The following RBFOX3 variants were observed in gnomAD, a reference collection of about 807,000 sequenced individuals.
RBFOX3 encodes the protein RNA binding fox-1 homolog 3.
In RBFOX3, 17 loss-of-function variants were observed where a neutral mutation model predicts 48.7. The ratio of observed to expected loss-of-function variants is 0.35; its 90% CI spans 0.24 to 0.52. RBFOX3 has a LOEUF of 0.52. RBFOX3 is among the 20% of genes least tolerant of loss of function. RBFOX3 has a pLI of 0.94. For missense variants in RBFOX3, 382 were observed against 497.5 expected, an observed-to-expected ratio of 0.77 and a Z score of 2.21; for synonymous variants, 212 against 209.5, an observed-to-expected ratio of 1.01 and a Z score of -0.10.
At chr17:79,642,137 T>C in the RBFOX3 span, among the ~76,000 whole-genome samples, 1 of 152,130 alleles carries the variant, frequency 6.6e-6, no homozygotes, top group Non-Finnish European at 1.5e-5. Flanking sequence ...CCGCATTATC[T>C]CACTTATATG....
intron 11 of RBFOX3, 81 bp downstream of exon 11, chr17:79,097,211 G>C (rs903987706): frequency 1.9e-6 from 2 of 1,026,394 alleles, no homozygotes; most frequent in East Asian, 3.1e-5. Context: ...CTAGCCCCTC[G>C]CACTGCGCAG....
the RBFOX3 span, among the ~76,000 whole-genome samples, chr17:79,662,161 A>C: frequency 3.1e-5 from 2 of 65,078 alleles, no homozygotes; most frequent in African/African-American, 1.1e-4. Context: ...AGTCTCACTC[A>C]CTCCAGGCTG....
At chr17:79,557,540 AG>A (rs1258596613) in intron 1 of RBFOX3, among the ~76,000 whole-genome samples, 1 of 152,208 alleles carries the variant, frequency 6.6e-6, no homozygotes, top group African/African-American at 2.4e-5. Context: ...GTGGGGGGAA[AG>A]GGGGGAAGAG....
intron 2 of RBFOX3, among the ~76,000 whole-genome samples, chr17:79,462,877 T>C (rs1373151876): frequency 1.3e-5 from 2 of 152,188 alleles, no homozygotes; most frequent in East Asian, 1.9e-4. Context: ...TTACTTCTTC[T>C]GGGACACTCT....
the RBFOX3 span, among the ~76,000 whole-genome samples, chr17:79,641,371 C>T: frequency 6.6e-6 from 1 of 152,022 alleles, no homozygotes; most frequent in African/African-American, 2.4e-5. Context: ...GTTGGTACAG[C>T]CATTAGGGAA....
At chr17:79,208,342 C>A (rs544131295) in intron 4 of RBFOX3, 2 of 152,540 alleles carry the variant, frequency 1.3e-5, no homozygotes, top group African/African-American at 4.8e-5. Context: ...CCTCGACCGC[C>A]TGGAAACCAA....
At chr17:79,177,289 G>A (rs1252509127) in intron 4 of RBFOX3, among the ~76,000 whole-genome samples, 19 of 152,214 alleles carry the variant, frequency 1.2e-4, no homozygotes, top group Admixed American at 1.2e-3. Context: ...AGGACCAGAG[G>A]ACAGGAGACA....
chr17:79,514,946 G>A (rs893158930), intron 1 of RBFOX3, among the ~76,000 whole-genome samples: 36 of 152,242 alleles, frequency 2.4e-4, no homozygotes, highest in African/African-American at 7.9e-4. Context: ...GCTGGGGCTC[G>A]GCGCTGCCCC....
chr17:79,336,208 G>A (rs1021387834), intron 2 of RBFOX3, among the ~76,000 whole-genome samples: 4 of 151,910 alleles, frequency 2.6e-5, no homozygotes, highest in Middle Eastern at 3.2e-3. Context: ...CCAACATGAC[G>A]AAAACCCATC....
chr17:79,321,179 A>G (rs2078468853), intron 2 of RBFOX3, among the ~76,000 whole-genome samples: 1 of 152,230 alleles, frequency 6.6e-6, no homozygotes, highest in Non-Finnish European at 1.5e-5. Context: ...CTCAAAGACC[A>G]TGCAGGAGCC....
At chr17:79,336,388 A>AT (rs1165993359) in intron 2 of RBFOX3, among the ~76,000 whole-genome samples, 10 of 44,888 alleles carry the variant, frequency 2.2e-4, no homozygotes, top group African/African-American at 5.8e-4. Context: ...TTTCATCTCA[A>AT]AAAATAAATA....
chr17:79,114,534 G>A (rs1436741428), intron 5 of RBFOX3, among the ~76,000 whole-genome samples: 1 of 152,214 alleles, frequency 6.6e-6, no homozygotes, highest in Non-Finnish European at 1.5e-5. Flanking sequence ...CCGGGGGAAG[G>A]CTCCTATCTG....
chr17:79,223,520 C>T (rs143674896), intron 4 of RBFOX3, among the ~76,000 whole-genome samples: 2 of 152,374 alleles, frequency 1.3e-5, no homozygotes, highest in African/African-American at 4.8e-5. Flanking sequence ...AGGTCTTGGG[C>T]TTGTCCCTGC....
At chr17:79,412,823 G>A (rs1203259900) in intron 2 of RBFOX3, among the ~76,000 whole-genome samples, 1 of 151,594 alleles carries the variant, frequency 6.6e-6, no homozygotes, top group East Asian at 1.9e-4. Context: ...GCATGTGTGT[G>A]TATATATGTG....
At chr17:79,440,932 G>A (rs527735743) in intron 2 of RBFOX3, among the ~76,000 whole-genome samples, 3 of 152,348 alleles carry the variant, frequency 2.0e-5, no homozygotes, top group South Asian at 2.1e-4. Context: ...GCCCTCGCAC[G>A]GTGAGTCGGA....
chr17:79,648,747 C>A, the RBFOX3 span, among the ~76,000 whole-genome samples: 2 of 152,304 alleles, frequency 1.3e-5, no homozygotes, highest in East Asian at 3.9e-4. Flanking sequence ...AATGTCCCCA[C>A]GCCATCAAGG....
intron 1 of RBFOX3, among the ~76,000 whole-genome samples, chr17:79,587,449 C>T (rs1185504153): frequency 2.0e-5 from 3 of 152,254 alleles, no homozygotes; most frequent in African/African-American, 7.2e-5. Context: ...CTAGGGACCC[C>T]AGCCCCTGCT....
intron 4 of RBFOX3, among the ~76,000 whole-genome samples, chr17:79,229,620 C>T (rs374466700): frequency 6.6e-6 from 1 of 150,946 alleles, no homozygotes; most frequent in African/African-American, 2.4e-5. Context: ...GGGTGGAGTC[C>T]TCTGCATCTC....
At chr17:79,533,120 G>A (rs2088099542) in intron 1 of RBFOX3, among the ~76,000 whole-genome samples, 1 of 152,236 alleles carries the variant, frequency 6.6e-6, no homozygotes, top group Admixed American at 6.5e-5. Flanking sequence ...TTTTCTAGAT[G>A]AAGGAGACTA....
Sources: allele counts gnomAD v4.1 joint callset (sites outside exome capture counted in the v4.1 genomes callset), GRCh38; gene constraint gnomAD v4.1.1; transcripts MANE v1.5; gene names NCBI Gene and HGNC (gene_info 2026-07-23, HGNC 2026-07-21).